Variants in ZDHHC24 observed in about 807,000 individuals in gnomAD.
ZDHHC24 encodes zDHHC palmitoyltransferase 24.
A neutral mutation model predicts 23.2 loss-of-function variants in ZDHHC24; 17 were observed. That is an observed-to-expected ratio of 0.73 (90% CI 0.50 to 1.10). The LOEUF (loss-of-function observed/expected upper bound fraction) is 1.10, where lower values mean the gene tolerates loss of function less well. ZDHHC24 is among the 50% of genes least tolerant of loss of function. The pLI is 0.00. For missense variants in ZDHHC24, 366 were observed against 393.0 expected (o/e 0.93, Z 0.58); for synonymous variants, 186 against 194.5 (o/e 0.96, Z 0.36).
At position 66,545,596 on chromosome 11, in the gene ZDHHC24, T is replaced by TA. The variant is rs894026679; in HGVS notation, c.281+126dup. 8.6e-6 allele frequency: 10 copies of TA among 1,165,960 alleles called. No homozygotes were observed. The highest frequency in any genetic ancestry group is 1.1e-5 in the Non-Finnish European group (10 of 870,942). 72.2% of individuals were successfully genotyped at this position (1,165,960 alleles called of 1,614,324 possible). A position where few individuals can be genotyped will look rare whatever the true frequency, so the allele number is the denominator to read the frequency against. ...ATTCTAGCTCTTCCATCCCAGGTTC[T>TA]AAAAAAATGTCTGATTCTAACAACC... On this transcript the variant is annotated intron_variant, in intron 1 of 2. Transcript: ENST00000310442. This position sits in a 1 kb window ranked among gnomAD's most constrained non-coding sequence, Gnocchi z 4.5.
At chr11:66,539,926 G>A (rs1857100854) in intron 2 of ZDHHC24, 102 bp from the exon 3 acceptor site, 3 of 1,219,634 alleles carry the variant, frequency 2.5e-6, no homozygotes, top group Non-Finnish European at 3.3e-6. Context: ...CCTCCGCTCA[G>A]CAAACCCTGT....
At chr11:66,527,134 T>C (rs1856549301) in intron 3 of ZDHHC24, 1 of 924,120 alleles carries the variant, frequency 1.1e-6, no homozygotes, top group South Asian at 1.5e-5. Context: ...CCCAACACTT[T>C]GGCAGAGGTG....
exon 5 of ZDHHC24, chr11:66,521,389 G>T (rs368290922): frequency 6.2e-7 from 1 of 1,607,130 alleles, no homozygotes; most frequent in South Asian, 1.1e-5. Flanking sequence ...AGCCACATCC[G>T]TGGTCTCCGG....
chr11:66,531,689 C>G, downstream of ZDHHC24: 1 of 1,614,150 alleles, frequency 6.2e-7, no homozygotes, highest in Admixed American at 1.7e-5. Flanking sequence ...CAACTACCCC[C>G]TGGAGACCTT....
rs2134861368 is a variant in ZDHHC24, at chr11:66,536,095, CT to C, written c.*3433del. Reference sequence around the variant, plus strand: ...AGCCAACACAAACACATTAATAAAACTATAAAGCAAAGCAACGGAATGACTG... The same window carrying C: ...AGCCAACACAAACACATTAATAAAACATAAAGCAAAGCAACGGAATGACTG... On this transcript the variant is annotated 3_prime_UTR_variant, in exon 3 of 3. Coordinates refer to ENST00000310442, the MANE Select transcript of ZDHHC24 (RefSeq NM_207340.3). 6.6e-6 allele frequency: 1 copy of C among 152,482 alleles called. No homozygotes were observed. Among genetic ancestry groups the C allele is most frequent in the East Asian group, 1.9e-4 (1 of 5,192 alleles). 9.4% of individuals were successfully genotyped at this position (152,482 alleles called of 1,614,324 possible). A position where few individuals can be genotyped will look rare whatever the true frequency, so the allele number is the denominator to read the frequency against.
At chr11:66,530,717 G>T (rs1856741156), downstream of ZDHHC24, among the ~76,000 whole-genome samples, 1 of 152,152 alleles carries the variant, frequency 6.6e-6, no homozygotes, top group African/African-American at 2.4e-5. Flanking sequence ...TCAGGCTCTT[G>T]CCCTCTCTGG....
At chr11:66,542,670 A>G (rs1200402456) in intron 2 of ZDHHC24, 2 of 153,160 alleles carry the variant, frequency 1.3e-5, no homozygotes, top group African/African-American at 4.8e-5. Context: ...CCATCCAGGC[A>G]TTGAGGGGGC....
At chr11:66,530,827 A>AGC, downstream of ZDHHC24, 1 of 1,605,548 alleles carries the variant, frequency 6.2e-7, no homozygotes, top group Non-Finnish European at 8.5e-7. Flanking sequence ...AGGCAGGCAG[A>AGC]GCACACTGTA....
In ZDHHC24 at chr11:66,543,843, CAGGA is replaced by C. The variant is rs1297714446; in HGVS notation, c.416_419del (p.Phe139CysfsTer60). 1 of 1,613,712 alleles carries C rather than the reference CAGGA, an allele frequency of 6.2e-7. No homozygotes were observed. The highest frequency in any genetic ancestry group is 8.5e-7 in the Non-Finnish European group (1 of 1,179,866). ...CGCCGGCGGCATGAAGCAGCAGGCACAGGAAGGGCCGGTAGTTGCCGAAGCCCAC... is the reference window on the plus strand; with the variant it reads ...CGCCGGCGGCATGAAGCAGCAGGCACAGGGCCGGTAGTTGCCGAAGCCCAC... On this transcript the variant is annotated frameshift_variant, in exon 2 of 3. Transcript: ENST00000310442. LOFTEE classifies it high-confidence loss of function.
At chr11:66,526,918 A>G (rs1856536872) in intron 4 of ZDHHC24, 4 of 1,605,546 alleles carry the variant, frequency 2.5e-6, no homozygotes, top group African/African-American at 1.3e-5. Context: ...ATCTCGGCCA[A>G]CTAGGTAGGT....
At chr11:66,530,748 C>T (rs575606884), downstream of ZDHHC24, 1 of 1,209,432 alleles carries the variant, frequency 8.3e-7, no homozygotes, top group African/African-American at 1.5e-5. Context: ...TCCCTCTGCC[C>T]CTTCTGGTCT....
In ZDHHC24 at chr11:66,539,312, GAGC is replaced by G; in HGVS notation, c.*214_*216del. The G allele has an allele frequency of 7.9e-7, 1 of 1,264,344 alleles. No homozygotes were observed. Among genetic ancestry groups the G allele is most frequent in the Non-Finnish European group, 9.9e-7 (1 of 1,007,888 alleles). The allele number at this position is 1,264,344 out of a possible 1,614,324, so 78.3% of individuals were successfully genotyped here. On this transcript the variant is annotated 3_prime_UTR_variant, in exon 3 of 3. Coordinates refer to ENST00000310442, the MANE Select transcript of ZDHHC24 (RefSeq NM_207340.3). ...TGGCAAAGGGGCAGCTAGGCGGCCT[GAGC>G]AGCCCCTGCCAGACCCTCCTCTGCA...
chr11:66,532,347 G>A (rs1856822249), downstream of ZDHHC24: 7 of 435,952 alleles, frequency 1.6e-5, no homozygotes, highest in Non-Finnish European at 3.0e-5. Flanking sequence ...AGCGGTCAAA[G>A]TGAGCTGAGC....
exon 5 of ZDHHC24, chr11:66,521,258 T>G (rs1011920863): frequency 6.2e-7 from 1 of 1,610,078 alleles, no homozygotes; most frequent in East Asian, 2.2e-5. Context: ...TGTTTGCGCT[T>G]CTTGTTTGCA....
intron 2 of ZDHHC24, 63 bp downstream of exon 2, chr11:66,543,641 C>T (rs1361654107): frequency 2.2e-5 from 32 of 1,479,364 alleles, no homozygotes; most frequent in Non-Finnish European, 2.3e-5. Context: ...CCAGAATGGG[C>T]TGTACTCCCC....
At chr11:66,530,844 G>T, downstream of ZDHHC24, 1 of 1,613,758 alleles carries the variant, frequency 6.2e-7, no homozygotes, top group Non-Finnish European at 8.5e-7. Flanking sequence ...TGTACTCCGT[G>T]CCCAAGGCTG....
intron 4 of ZDHHC24, chr11:66,526,120 T>C: frequency 6.2e-7 from 1 of 1,614,084 alleles, no homozygotes; most frequent in Non-Finnish European, 8.5e-7. Flanking sequence ...CGTCTCCACA[T>C]AGGATGCAGT....
chr11:66,541,777 C>G (rs1395498211), intron 2 of ZDHHC24, among the ~76,000 whole-genome samples: 1 of 152,074 alleles, frequency 6.6e-6, no homozygotes, highest in Non-Finnish European at 1.5e-5. Flanking sequence ...TCTAAAAGGT[C>G]TCATAAAGCA....
rs201844506 is a variant in ZDHHC24, at chr11:66,539,794, G to C, written c.590C>G (p.Ala197Gly). The change falls in exon 3 of 3, where the codon GCC (alanine) becomes GGC (glycine). Residue 197 changes from alanine to glycine, a missense_variant. Physicochemically the swap from Ala to Gly is moderately conservative, Grantham distance 60. Coordinates refer to ENST00000310442, the MANE Select transcript of ZDHHC24 (RefSeq NM_207340.3). ...GRVSLAQFAL[A>G]FVTDTCVAGA... ...CGCCACGCACGTGTCCGTCACGAAG[G>C]CCAAGGCAAACTGTGCCAGAGACAC... 3 of 1,610,478 alleles carry C rather than the reference G, an allele frequency of 1.9e-6. No individual in the cohort carries two copies. Among genetic ancestry groups the C allele is most frequent in the African/African-American group, 2.7e-5 (2 of 74,836 alleles).
Sources: gnomAD v4.1 joint callset for allele counts (sites outside exome capture counted in the v4.1 genomes callset) on GRCh38, gnomAD v4.1.1 for gene constraint, Gnocchi (gnomAD v3.1) non-coding constraint, MANE v1.5 for transcripts, NCBI Gene and HGNC (gene_info 2026-07-23, HGNC 2026-07-21) for gene names.